NRXN2: variants seen among roughly 807,000 people sequenced by gnomAD.
The protein encoded by NRXN2 is neurexin-2-beta.
In NRXN2, 29 loss-of-function variants were observed where a neutral mutation model predicts 128.8. The ratio of observed to expected loss-of-function variants is 0.23; its 90% CI spans 0.17 to 0.31. The LOEUF is 0.31. Among genes scored for constraint, NRXN2 ranks in the 10% least tolerant of loss-of-function variants. NRXN2 has a pLI of 1.00. For missense variants in NRXN2, 1,881 were observed against 2,452.6 expected, an observed-to-expected ratio of 0.77 and a Z score of 4.92; for synonymous variants, 1,098 against 1,075.2, an observed-to-expected ratio of 1.02 and a Z score of -0.41.
At position 64,661,139 on chromosome 11, in the gene NRXN2, C is replaced by G. The variant is rs767505726; in HGVS notation, c.1799G>C (p.Gly600Ala). ...GCTGCGACTATTCACTGAGATGGAG[C>G]CTGGGAATCAAGGGAAGGCAGGATG... Reference protein sequence around the residue: ...HVDFQRDGRKGSISVNSRSTP... With the variant: ...HVDFQRDGRKASISVNSRSTP... Residue 600 changes from glycine (G) to alanine (A), a missense_variant and splice_region_variant, in exon 10 of 23, where the codon GGC becomes GCC. By Grantham distance (60) the Gly-to-Ala change is moderately conservative. Coordinates refer to ENST00000265459, the MANE Select transcript of NRXN2 (RefSeq NM_015080.4). The G allele has an allele frequency of 1.9e-6, 3 of 1,613,468 alleles. No individual in the cohort carries two copies. The highest frequency in any genetic ancestry group is 2.2e-5 in the East Asian group (1 of 44,872).
In NRXN2 at chr11:64,650,664, T is replaced by C. The variant is rs749348364; in HGVS notation, c.2919-26A>G. 5.6e-6 allele frequency: 9 copies of C among 1,610,666 alleles called. No homozygotes were observed. The African/African-American group carries it at 1.2e-4, about 22-fold the overall frequency. On this transcript the variant is annotated intron_variant, in intron 14 of 22. Transcript: ENST00000265459. ...CTGCCCCACAGTAGGGAGGAGACAC[T>C]GGGTCAGGGCGGGGGTGATGCTGGG...
intron 2 of NRXN2, among the ~76,000 whole-genome samples, chr11:64,710,338 A>C (rs1000583036): frequency 6.6e-6 from 1 of 152,124 alleles, no homozygotes; most frequent in Non-Finnish European, 1.5e-5. Flanking sequence ...ATCTGATACC[A>C]AGCCATATTA....
rs556979461 is a variant in NRXN2 at position 64,606,930 on chromosome 11, C to T, written c.*266G>A. The T allele has an allele frequency of 6.3e-5, 33 of 527,584 alleles. No individual in the cohort carries two copies. In the South Asian group the frequency reaches 8.1e-4, roughly 13 times the overall value. The allele number at this position is 527,584 out of a possible 1,614,324, so 32.7% of individuals were successfully genotyped here. On this transcript the variant is annotated 3_prime_UTR_variant, in exon 23 of 23. Transcript: ENST00000265459. The stretch of plus-strand genomic sequence containing the variant: ...ACCCCCTTAAAAAAATAAATCAACC[C>T]AGGGCTGTGAGCACGTGCCCTGCCT...
rs150758577 is a variant in NRXN2, at chr11:64,660,935, C to T, written c.2003G>A (p.Arg668Gln). Residue 668 changes from arginine to glutamine, a missense_variant, in exon 10 of 23, where the codon CGA becomes CAA. This residue lies in a region of NRXN2 where 997 missense variants were observed against 1,240.8 expected (regional missense o/e 0.80). Coordinates refer to ENST00000265459, the MANE Select transcript of NRXN2 (RefSeq NM_015080.4). The surrounding 1 kb of genome is among the most constrained non-coding windows in gnomAD (Gnocchi z 5.2). ...VRDLFIDGRS[R>Q]DLRGLAEAQG... ...AGCCTCAGCCAGGCCCCGGAGGTCT[C>T]GGCTACGCCCATCTATGAAGAGGTC... 1 of 1,613,806 alleles carries T rather than the reference C, an allele frequency of 6.2e-7. No homozygotes were observed. The highest frequency in any genetic ancestry group is 8.5e-7 in the Non-Finnish European group (1 of 1,179,926).
intron 22 of NRXN2, among the ~76,000 whole-genome samples, chr11:64,615,733 T>C (rs953282254): frequency 1.3e-5 from 2 of 152,172 alleles, no homozygotes; most frequent in African/African-American, 4.8e-5. Context: ...GCCCTACAAG[T>C]CTGAGGATAT....
chr11:64,638,998 A>C (rs1346651494), intron 17 of NRXN2, among the ~76,000 whole-genome samples: 2 of 152,218 alleles, frequency 1.3e-5, no homozygotes, highest in African/African-American at 4.8e-5. Context: ...CCCAAACAAC[A>C]TAATCATCCA....
intron 7 of NRXN2, among the ~76,000 whole-genome samples, chr11:64,674,540 G>A (rs2051056359): frequency 2.6e-5 from 4 of 152,172 alleles, no homozygotes; most frequent in African/African-American, 7.2e-5. Flanking sequence ...TGGGATTACA[G>A]GTGCCTAGCT....
chr11:64,707,372 G>A (rs772077298), intron 2 of NRXN2, among the ~76,000 whole-genome samples: 17 of 149,618 alleles, frequency 1.1e-4, no homozygotes, highest in Non-Finnish European at 2.2e-4. Flanking sequence ...TGGAGACAGC[G>A]AGACTCCGTC....
rs767767623 is a variant in NRXN2, at chr11:64,631,350, G to C, written c.3586-777C>G. ...CAGGCAGAGGACAGACAGGGACGGA[G>C]GCCTGGAGAAGGGGAGCAAAGAGCC... On this transcript the variant is annotated intron_variant, in intron 18 of 22. Transcript: ENST00000265459. This position sits in a 1 kb window ranked among gnomAD's most constrained non-coding sequence, Gnocchi z 4.8. Among the ~76,000 whole-genome samples, 7 of 152,142 alleles carry C rather than the reference G, an allele frequency of 4.6e-5. No homozygotes were observed. The highest frequency in any genetic ancestry group is 7.4e-5 in the Non-Finnish European group (5 of 68,010).
Position 64,651,134 on chromosome 11 carries a change from G to A in NRXN2, c.2918+121C>T, listed in dbSNP as rs1477162198. The A allele has an allele frequency of 5.7e-6, 8 of 1,398,012 alleles. No homozygotes were observed. Among genetic ancestry groups the A allele is most frequent in the African/African-American group, 1.4e-5 (1 of 71,026 alleles). The allele number at this position is 1,398,012 out of a possible 1,614,324, so 86.6% of individuals were successfully genotyped here. ...CCTCTCGACTTACGGTCGGGGACCT[G>A]AATCTTGACTTGTGATCTGGGGGGA... On this transcript the variant is annotated intron_variant, in intron 14 of 22. Transcript: ENST00000265459. The surrounding 1 kb of genome is among the most constrained non-coding windows in gnomAD (Gnocchi z 5.9).
Position 64,626,538 on chromosome 11 carries a change from C to T in NRXN2, c.3772G>A (p.Glu1258Lys). 6.2e-7 allele frequency: 1 copy of T among 1,613,988 alleles called. No individual in the cohort carries two copies. Among genetic ancestry groups the T allele is most frequent in the Non-Finnish European group, 8.5e-7 (1 of 1,179,884 alleles). ...CTCTGTCTAGCAATCGCCAGGCGCT[C>T]GTTATCAAAGTTTCCTTGGAAAAGT... ...ERYPAGNFDN[E>K]RLAIARQRIP... is the part of the protein sequence containing the mutation. The change falls in exon 20 of 23, where the codon GAG becomes AAG. Residue 1258 changes from glutamate (E) to lysine (K), a missense_variant. By Grantham distance (56) the Glu-to-Lys change is moderately conservative. Transcript: ENST00000265459.
chr11:64,653,570 C>T (rs576418685), intron 12 of NRXN2, 126 bp downstream of exon 12: 4 of 978,702 alleles, frequency 4.1e-6, no homozygotes, highest in Non-Finnish European at 6.4e-6. Flanking sequence ...TCCCCACACT[C>T]AAGGCCCAAC....
chr11:64,667,169 G>T lies in NRXN2; in HGVS notation c.1798+81C>A. On this transcript the variant is annotated intron_variant, in intron 9 of 22. Coordinates refer to ENST00000265459, the MANE Select transcript of NRXN2 (RefSeq NM_015080.4). The surrounding 1 kb of genome is among the most constrained non-coding windows in gnomAD (Gnocchi z 5.6). ...ATAGGAAATGGTGTAGAAGAGACCC[G>T]CTGAAGAGAGACGGAGAGGATGTCA... 7.1e-7 allele frequency: 1 copy of T among 1,416,980 alleles called. No individual in the cohort carries two copies. The highest frequency in any genetic ancestry group is 9.9e-7 in the Non-Finnish European group (1 of 1,010,360). 87.8% of individuals were successfully genotyped at this position (1,416,980 alleles called of 1,614,324 possible).
intron 12 of NRXN2, 120 bp from the exon 13 acceptor site, chr11:64,652,274 C>A: frequency 1.5e-6 from 2 of 1,308,984 alleles, no homozygotes; most frequent in Non-Finnish European, 2.1e-6. Flanking sequence ...TGAACACATA[C>A]ATGACCAGTG....
chr11:64,627,048 C>A (rs1032194122), intron 19 of NRXN2, among the ~76,000 whole-genome samples: 1 of 152,072 alleles, frequency 6.6e-6, no homozygotes, highest in Non-Finnish European at 1.5e-5. Context: ...TAGGGGGCCA[C>A]CCAGCACGCA....
chr11:64,712,945 CG>C, intron 2 of NRXN2, 24 bp downstream of exon 2: 1 of 1,497,112 alleles, frequency 6.7e-7, no homozygotes, highest in Non-Finnish European at 8.9e-7. Context: ...GCCCAGGCAC[CG>C]GGCGGCCGCT....
intron 22 of NRXN2, among the ~76,000 whole-genome samples, chr11:64,616,913 T>A (rs1413027247): frequency 6.6e-6 from 1 of 152,192 alleles, no homozygotes; most frequent in Non-Finnish European, 1.5e-5. Context: ...TGCATCTGAG[T>A]GCCTCTGCGG....
chr11:64,708,163 A>G (rs2056534834), intron 2 of NRXN2, among the ~76,000 whole-genome samples: 2 of 152,034 alleles, frequency 1.3e-5, no homozygotes, highest in South Asian at 4.1e-4. Context: ...ACCACACTGT[A>G]GCCCCCAACA....
intron 22 of NRXN2, among the ~76,000 whole-genome samples, chr11:64,618,588 A>C (rs1416504541): frequency 6.6e-6 from 1 of 152,200 alleles, no homozygotes; most frequent in African/African-American, 2.4e-5. Context: ...TAGAGCTCAG[A>C]GCAGTAAAGC....
Sources: allele counts gnomAD v4.1 joint callset (sites outside exome capture counted in the v4.1 genomes callset), GRCh38; gene constraint gnomAD v4.1.1; regional missense constraint gnomAD v4.1.1; non-coding constraint Gnocchi (gnomAD v3.1); transcripts MANE v1.5; gene names NCBI Gene and HGNC (gene_info 2026-07-23, HGNC 2026-07-21).